The following CUL2 variants were observed in gnomAD, a reference collection of about 807,000 sequenced individuals.
CUL2 encodes cullin-2.
A neutral mutation model predicts 110.2 loss-of-function variants in CUL2; 22 were observed. That is an observed-to-expected ratio of 0.20 (90% CI 0.14 to 0.28). CUL2 has a LOEUF of 0.28. Ranked by LOEUF, CUL2 falls within the 10% of genes least tolerant of loss-of-function variation. The pLI is 1.00. For synonymous variants in CUL2, 279 were observed against 293.2 expected, an observed-to-expected ratio of 0.95 and a Z score of 0.49; for missense variants, 631 against 905.5, an observed-to-expected ratio of 0.70 and a Z score of 3.89.
intron 9 of CUL2, among the ~76,000 whole-genome samples, chr10:35,036,006 A>G (rs1280817108): frequency 1.3e-5 from 2 of 152,232 alleles, no homozygotes; most frequent in African/African-American, 4.8e-5. Flanking sequence ...ATAAGTGTAT[A>G]TCTTACTGAA....
At position 35,087,202 on chromosome 10, in the gene CUL2, C is replaced by A. The variant is rs571654928; in HGVS notation, c.-23+2977G>T. On this transcript the variant is annotated intron_variant, in intron 1 of 20. Transcript: ENST00000374749. ...CAACAGCGGGTACTACAGGCGTGCG[C>A]CACCACGCCTGGCTAATGTTTTTTA... Among the ~76,000 whole-genome samples the A allele has an allele frequency of 1.9e-3, 292 of 152,314 alleles. 1 individual carries two copies. Among genetic ancestry groups the A allele is most frequent in the African/African-American group, 6.7e-3 (278 of 41,568 alleles).
chr10:35,045,453 C>G (rs951188958), intron 6 of CUL2, among the ~76,000 whole-genome samples: 9 of 151,704 alleles, frequency 5.9e-5, no homozygotes, highest in African/African-American at 2.2e-4. Context: ...GTGGCACACA[C>G]CTGTGGTCCC....
At chr10:35,092,714 T>C (rs1720289811), upstream of CUL2, among the ~76,000 whole-genome samples, 1 of 152,242 alleles carries the variant, frequency 6.6e-6, no homozygotes, top group Non-Finnish European at 1.5e-5. Context: ...TTCCTGGGCA[T>C]AGGCCAACTT....
At chr10:35,080,377 C>CT (rs1210589422) in intron 1 of CUL2, among the ~76,000 whole-genome samples, 1 of 152,060 alleles carries the variant, frequency 6.6e-6, no homozygotes, top group African/African-American at 2.4e-5. Context: ...CCACAGAGCT[C>CT]TAAGTACTCC....
chr10:35,057,102 T>G (rs1294048669), intron 4 of CUL2, among the ~76,000 whole-genome samples: 1 of 152,218 alleles, frequency 6.6e-6, no homozygotes, highest in Non-Finnish European at 1.5e-5. Flanking sequence ...ACCTACATAA[T>G]AAGTGTAAAC....
chr10:35,111,768 C>T (rs1395700973), intron 1 of CUL2, among the ~76,000 whole-genome samples: 2 of 152,250 alleles, frequency 1.3e-5, no homozygotes, highest in South Asian at 4.1e-4. Context: ...CATGTGCCTG[C>T]AATCCCAGCT....
chr10:35,015,071 G>C (rs2084992148), intron 18 of CUL2, among the ~76,000 whole-genome samples: 1 of 152,042 alleles, frequency 6.6e-6, no homozygotes, highest in Admixed American at 6.6e-5. Flanking sequence ...GATCACCTGA[G>C]GTCAGGAGTT....
intron 6 of CUL2, 133 bp from the exon 7 acceptor site, chr10:35,045,001 G>A (rs1442197536): frequency 3.4e-6 from 2 of 587,920 alleles, no homozygotes; most frequent in Non-Finnish European, 3.0e-6. Flanking sequence ...AAAGGTACAT[G>A]CATGAATCTT....
chr10:35,042,039 AT>A (rs1400884156), intron 8 of CUL2, among the ~76,000 whole-genome samples: 2 of 152,182 alleles, frequency 1.3e-5, no homozygotes, highest in African/African-American at 4.8e-5. Context: ...TACATTAGCC[AT>A]TTTTATGTGG....
chr10:35,121,942 C>T (rs2087683391), intron 1 of CUL2, among the ~76,000 whole-genome samples: 1 of 152,104 alleles, frequency 6.6e-6, no homozygotes, highest in Non-Finnish European at 1.5e-5. Flanking sequence ...GAGTACACAG[C>T]ACATCAGATT....
intron 1 of CUL2, among the ~76,000 whole-genome samples, chr10:35,102,925 ACAATGT>A (rs1256064487): frequency 2.6e-5 from 4 of 152,068 alleles, no homozygotes. Context: ...AACCTAGGTG[ACAATGT>A]TAGTTCCAGC....
At chr10:35,124,877 A>G (rs1450129233) in intron 1 of CUL2, among the ~76,000 whole-genome samples, 2 of 152,182 alleles carry the variant, frequency 1.3e-5, no homozygotes, top group Non-Finnish European at 2.9e-5. Flanking sequence ...GAGGGAATAT[A>G]AGGGTGTGAC....
At chr10:35,037,589 T>C (rs1214179798) in intron 9 of CUL2, among the ~76,000 whole-genome samples, 1 of 152,190 alleles carries the variant, frequency 6.6e-6, no homozygotes, top group African/African-American at 2.4e-5. Flanking sequence ...CTCGTGTCTA[T>C]AATCCCAGCA....
chr10:35,052,927 A>C (rs1026839352), intron 5 of CUL2, among the ~76,000 whole-genome samples: 1 of 151,886 alleles, frequency 6.6e-6, no homozygotes, highest in African/African-American at 2.4e-5. Context: ...AATTAAAGGG[A>C]TAGTTTAAAA....
At chr10:35,011,789 A>C in intron 20 of CUL2, 59 bp downstream of exon 20, 1 of 824,164 alleles carries the variant, frequency 1.2e-6, no homozygotes, top group Non-Finnish European at 2.0e-6. Context: ...AAGAGACTGA[A>C]TCTGTACAAT....
intron 1 of CUL2, among the ~76,000 whole-genome samples, chr10:35,109,008 T>C (rs2087497301): frequency 6.6e-6 from 1 of 151,634 alleles, no homozygotes; most frequent in Non-Finnish European, 1.5e-5. Context: ...CGCTCAGGAG[T>C]TGGAGAGCAG....
chr10:35,115,815 C>A (rs762699037), intron 1 of CUL2, among the ~76,000 whole-genome samples: 1 of 152,080 alleles, frequency 6.6e-6, no homozygotes, highest in Non-Finnish European at 1.5e-5. Flanking sequence ...ATGGGTTGAA[C>A]CTGGGAGGCT....
intron 1 of CUL2, among the ~76,000 whole-genome samples, chr10:35,072,437 C>T (rs2086703902): frequency 6.6e-6 from 1 of 151,690 alleles, no homozygotes; most frequent in South Asian, 2.1e-4. Context: ...GGCGCAATCT[C>T]GGCTCACTGC....
chr10:35,009,846 T>TA lies in CUL2; in HGVS notation c.*464dup, dbSNP rs2084855460. ...TGGTCAACCTGATACTCCATCCACATAAAAAAGGCATTCTATTTCTTTATT... is the reference window on the plus strand; with the variant it reads ...TGGTCAACCTGATACTCCATCCACATAAAAAAAGGCATTCTATTTCTTTATT... On this transcript the variant is annotated 3_prime_UTR_variant, in exon 21 of 21. Coordinates refer to ENST00000374749, the MANE Select transcript of CUL2 (RefSeq NM_003591.4). 6.6e-6 allele frequency: 1 copy of TA among 152,474 alleles called. No individual in the cohort carries two copies. Among genetic ancestry groups the TA allele is most frequent in the South Asian group, 2.1e-4 (1 of 4,824 alleles). The allele number at this position is 152,474 out of a possible 1,614,324, so 9.4% of individuals were successfully genotyped here.
Sources: gnomAD v4.1 joint callset for allele counts (sites outside exome capture counted in the v4.1 genomes callset) on GRCh38, gnomAD v4.1.1 for gene constraint, MANE v1.5 for transcripts, NCBI Gene and HGNC (gene_info 2026-07-23, HGNC 2026-07-21) for gene names.